TIAL1: variants seen among roughly 807,000 people sequenced by gnomAD.
TIAL1 encodes the protein nucleolysin TIAR.
TIAL1 carries 7 observed loss-of-function variants against 59.7 expected under a neutral mutation model. The observed-to-expected ratio is 0.12, with a 90% CI of 0.07 to 0.22. TIAL1 has a LOEUF of 0.22. Among genes scored for constraint, TIAL1 ranks in the 10% least tolerant of loss-of-function variants. The pLI is 1.00. For synonymous variants in TIAL1, 149 were observed against 146.3 expected (o/e 1.02, Z -0.13); for missense variants, 225 against 462.5 (o/e 0.49, Z 4.71).
chr10:119,581,761 A>G lies in TIAL1; in HGVS notation c.371+161T>C. On this transcript the variant is annotated intron_variant, in intron 5 of 11. Transcript: ENST00000436547. The stretch of plus-strand genomic sequence containing the variant: ...CACTGAAATGACATTAACATTTTCA[A>G]CAACATCCACTACTCAAAACAAACC... 7.2e-6 allele frequency: 4 copies of G among 556,142 alleles called. No individual in the cohort carries two copies. In the South Asian group the frequency reaches 1.2e-4, roughly 17 times the overall value. The allele number at this position is 556,142 out of a possible 1,614,324, so 34.5% of individuals were successfully genotyped here. A position where few individuals can be genotyped will look rare whatever the true frequency, so the allele number is the denominator to read the frequency against.
chr10:119,580,029 C>CCA lies in TIAL1; in HGVS notation c.372-20_372-19insTG. The CCA allele has an allele frequency of 6.2e-7, 1 of 1,600,642 alleles. No individual in the cohort carries two copies. The highest frequency in any genetic ancestry group is 8.5e-7 in the Non-Finnish European group (1 of 1,173,990). On this transcript the variant is annotated intron_variant, in intron 5 of 11. Transcript: ENST00000436547. ...GGCATCCCTGTGAAAAGAAGCACAG[C>CCA]TAAATGAGGGAAGTAAGAGCCACCC...
chr10:119,578,314 A>T (rs1845128317), intron 7 of TIAL1, among the ~76,000 whole-genome samples: 1 of 151,428 alleles, frequency 6.6e-6, no homozygotes, highest in South Asian at 2.1e-4. Context: ...CACAGACTTG[A>T]TCTATAAAAT....
At chr10:119,588,446 C>T (rs530766092) in intron 1 of TIAL1, 198 bp from the exon 2 acceptor site, 5 of 336,568 alleles carry the variant, frequency 1.5e-5, no homozygotes, top group African/African-American at 6.5e-5. Flanking sequence ...CAGATTCAAA[C>T]GATTTTCCTG....
At chr10:119,596,198 C>A (rs950095073) in intron 1 of TIAL1, among the ~76,000 whole-genome samples, 1 of 152,058 alleles carries the variant, frequency 6.6e-6, no homozygotes, top group Non-Finnish European at 1.5e-5. Context: ...AAGAAGGACG[C>A]CAGAGAAAAA....
At position 119,577,519 on chromosome 10, in the gene TIAL1, C is replaced by G; in HGVS notation, c.669G>C (p.Gln223His). Residue 223 changes from glutamine (Q) to histidine (H), a missense_variant, in exon 9 of 12, where the codon CAG becomes CAC. Transcript: ENST00000436547. ...ASGLTDQLMR[Q>H]TFSPFGQIME... The stretch of plus-strand genomic sequence containing the variant: ...TAATTTGTCCAAATGGTGAGAATGT[C>G]TGTCTCATAAGCTGATCTATAAAAC... The G allele has an allele frequency of 1.2e-6, 2 of 1,613,906 alleles. No individual in the cohort carries two copies. The highest frequency in any genetic ancestry group is 1.7e-6 in the Non-Finnish European group (2 of 1,179,912).
chr10:119,582,067 T>A lies in TIAL1; in HGVS notation c.284-58A>T. ...AAGAAGTCAGCCACTAAAACCTTTT[T>A]AAGGCAACTCTAGAGGAGGAAAAAA... On this transcript the variant is annotated intron_variant, in intron 4 of 11. Coordinates refer to ENST00000436547, the MANE Select transcript of TIAL1 (RefSeq NM_003252.4). The surrounding 1 kb of genome is among the most constrained non-coding windows in gnomAD (Gnocchi z 5.1). 1.2e-6 allele frequency: 2 copies of A among 1,605,170 alleles called. No homozygotes were observed. The highest frequency in any genetic ancestry group is 8.5e-7 in the Non-Finnish European group (1 of 1,172,976).
rs1589878648 is a variant in TIAL1 at position 119,588,633 on chromosome 10, T to G, written c.33-385A>C. On this transcript the variant is annotated intron_variant, in intron 1 of 11. Coordinates refer to ENST00000436547, the MANE Select transcript of TIAL1 (RefSeq NM_003252.4). The stretch of plus-strand genomic sequence containing the variant: ...TGCTGGAATTACAAGCGTGAGCCAC[T>G]GCGCCCGGCCACCTTTTATTTCATT... Among the ~76,000 whole-genome samples the G allele has an allele frequency of 2.0e-5, 3 of 152,256 alleles. No homozygotes were observed. In the South Asian group the frequency reaches 6.2e-4, roughly 32 times the overall value.
At position 119,574,370 on chromosome 10, in the gene TIAL1, T is replaced by G. The variant is rs1050637817; in HGVS notation, c.*1295A>C. 6.6e-6 allele frequency: 1 copy of G among 152,188 alleles called. No individual in the cohort carries two copies. The highest frequency in any genetic ancestry group is 1.5e-5 in the Non-Finnish European group (1 of 68,004). 9.4% of individuals were successfully genotyped at this position (152,188 alleles called of 1,614,324 possible). A position where few individuals can be genotyped will look rare whatever the true frequency, so the allele number is the denominator to read the frequency against. On this transcript the variant is annotated 3_prime_UTR_variant, in exon 12 of 12. Coordinates refer to ENST00000436547, the MANE Select transcript of TIAL1 (RefSeq NM_003252.4). Reference sequence around the variant, plus strand: ...ATAAAAGCCACAACTCTGTGTACTATTTAAACTGAATATCCAATTATAAAT... The same window carrying G: ...ATAAAAGCCACAACTCTGTGTACTAGTTAAACTGAATATCCAATTATAAAT...
At chr10:119,584,340 A>G (rs1261354723) in intron 2 of TIAL1, among the ~76,000 whole-genome samples, 4 of 152,118 alleles carry the variant, frequency 2.6e-5, no homozygotes, top group African/African-American at 9.7e-5. Context: ...ATATATTTGT[A>G]TTATATAAGG....
At chr10:119,586,003 C>T (rs542367978) in intron 2 of TIAL1, among the ~76,000 whole-genome samples, 6 of 152,300 alleles carry the variant, frequency 3.9e-5, no homozygotes, top group South Asian at 4.1e-4. Context: ...TCAGACCTCA[C>T]GGCCTCTGTG....
chr10:119,577,616 G>A (rs1266393763), intron 8 of TIAL1, 25 bp downstream of exon 8: 1 of 1,609,054 alleles, frequency 6.2e-7, no homozygotes, highest in South Asian at 1.1e-5. Context: ...CTCCTCAGAG[G>A]TGATTAGAAA....
intron 1 of TIAL1, among the ~76,000 whole-genome samples, chr10:119,590,934 C>A (rs1452429124): frequency 6.6e-6 from 1 of 152,108 alleles, no homozygotes; most frequent in Non-Finnish European, 1.5e-5. Flanking sequence ...CATATTGAAG[C>A]TAGCTAATAA....
At chr10:119,581,890 T>A (rs750076063) in intron 5 of TIAL1, 32 bp downstream of exon 5, 1 of 1,499,114 alleles carries the variant, frequency 6.7e-7, no homozygotes, top group Admixed American at 1.7e-5. Context: ...CTGCCTATCA[T>A]GACTGAGTGT....
intron 7 of TIAL1, 93 bp downstream of exon 7, chr10:119,578,625 TGTCTCTTA>T: frequency 9.3e-7 from 1 of 1,072,186 alleles, no homozygotes; most frequent in South Asian, 1.3e-5. Context: ...AGCAAGACCC[TGTCTCTTA>T]CATAAATAAA....
In TIAL1 at chr10:119,578,804, C is replaced by A; in HGVS notation, c.478G>T (p.Gly160Cys). 6.2e-7 allele frequency: 1 copy of A among 1,614,064 alleles called. No individual in the cohort carries two copies. The highest frequency in any genetic ancestry group is 8.5e-7 in the Non-Finnish European group (1 of 1,180,010). Residue 160 changes from glycine to cysteine, a missense_variant, in exon 7 of 12, where the codon GGT becomes TGT. This residue lies in a region of TIAL1 where 38 missense variants were observed against 173.0 expected (regional missense o/e 0.22). Transcript: ENST00000436547. ...DAENAIVHMG[G>C]QWLGGRQIRT... ...ATTTGACGACCACCCAACCACTGAC[C>A]GCCCATATGCACAATCGCATTTTCT...
chr10:119,579,230 C>G (rs1022241117), intron 6 of TIAL1, among the ~76,000 whole-genome samples: 1 of 152,104 alleles, frequency 6.6e-6, no homozygotes, highest in Non-Finnish European at 1.5e-5. Flanking sequence ...CCCAGCTACT[C>G]AGGAGGCTGA....
intron 1 of TIAL1, among the ~76,000 whole-genome samples, chr10:119,594,637 A>T (rs897995389): frequency 4.6e-5 from 7 of 151,816 alleles, no homozygotes; most frequent in Admixed American, 2.0e-4. Flanking sequence ...TTTTTTTTTT[A>T]ATTGTTTAGA....
At chr10:119,587,817 T>C (rs3816145) in intron 2 of TIAL1, among the ~76,000 whole-genome samples, 42,288 of 152,110 alleles carry the variant, frequency 0.28, 6,380 homozygotes, top group East Asian at 0.6. Context: ...CATGAACACA[T>C]GCTGTCTAAA....
At position 119,578,828 on chromosome 10, in the gene TIAL1, C is replaced by A; in HGVS notation, c.454G>T (p.Glu152Ter). ...FVSFYNKLDA[E>*]NAIVHMGGQW... ...CCGCCCATATGCACAATCGCATTTT[C>A]TGCATCCTATGGATAAAAAAGAAAG... Residue 152 changes from glutamate to a stop codon, truncating the protein, a stop_gained, in exon 7 of 12, where the codon GAA (glutamate) becomes TAA (stop). Coordinates refer to ENST00000436547, the MANE Select transcript of TIAL1 (RefSeq NM_003252.4). LOFTEE classifies it high-confidence loss of function. 1 of 1,613,630 alleles carries A rather than the reference C, an allele frequency of 6.2e-7. No individual in the cohort carries two copies. Among genetic ancestry groups the A allele is most frequent in the Non-Finnish European group, 8.5e-7 (1 of 1,179,626 alleles).
Sources: allele counts gnomAD v4.1 joint callset (sites outside exome capture counted in the v4.1 genomes callset), GRCh38; gene constraint gnomAD v4.1.1; regional missense constraint gnomAD v4.1.1; non-coding constraint Gnocchi (gnomAD v3.1); transcripts MANE v1.5; gene names NCBI Gene and HGNC (gene_info 2026-07-23, HGNC 2026-07-21).